DNAH11: variants seen among roughly 807,000 people sequenced by gnomAD.
DNAH11 encodes dynein axonemal heavy chain 11.
DNAH11 carries 442 observed loss-of-function variants against 526.0 expected under a neutral mutation model. That is an observed-to-expected ratio of 0.84 (90% CI 0.78 to 0.91). DNAH11 has a LOEUF of 0.91. Among genes scored for constraint, DNAH11 ranks in the 40% least tolerant of loss-of-function variants. The pLI is 0.00. For synonymous variants in DNAH11, 2,461 were observed against 1,935.9 expected, an observed-to-expected ratio of 1.27 and a Z score of -7.12; for missense variants, 6,989 against 5,448.7, an observed-to-expected ratio of 1.28 and a Z score of -8.90.
chr7:21,607,216 A>C (rs184022289), intron 20 of DNAH11, among the ~76,000 whole-genome samples: 1 of 152,246 alleles, frequency 6.6e-6, no homozygotes, highest in East Asian at 1.9e-4. Context: ...GTTCGTGGAC[A>C]AGAAGCATCT....
At chr7:21,690,972 A>C in intron 35 of DNAH11, 91 bp downstream of exon 35, 1 of 911,760 alleles carries the variant, frequency 1.1e-6, no homozygotes, top group Non-Finnish European at 1.7e-6. Flanking sequence ...CTTTTACTTG[A>C]AAATTCCTAA....
intron 1 of DNAH11, 82 bp downstream of exon 1, chr7:21,543,678 C>T: frequency 6.9e-7 from 1 of 1,442,502 alleles, no homozygotes; most frequent in Non-Finnish European, 9.3e-7. Context: ...CTTTGGATTC[C>T]CGCGGGGCGC....
intron 28 of DNAH11, among the ~76,000 whole-genome samples, chr7:21,654,952 G>A (rs1781949483): frequency 6.6e-6 from 1 of 152,176 alleles, no homozygotes; most frequent in Non-Finnish European, 1.5e-5. Context: ...ATGAATAAGT[G>A]TTGTTCATTC....
chr7:21,681,854 G>T (rs781228351), intron 31 of DNAH11, 177 bp downstream of exon 31: 3 of 805,566 alleles, frequency 3.7e-6, no homozygotes, highest in Non-Finnish European at 6.3e-6. Flanking sequence ...ATATTATTCT[G>T]ATGAGACCTA....
chr7:21,660,732 T>C (rs1303164133), intron 30 of DNAH11, among the ~76,000 whole-genome samples: 1 of 152,012 alleles, frequency 6.6e-6, no homozygotes, highest in Non-Finnish European at 1.5e-5. Context: ...GGTATAAACA[T>C]GTATAAATCT....
At chr7:21,771,879 G>A (rs1787451143) in intron 55 of DNAH11, among the ~76,000 whole-genome samples, 2 of 151,890 alleles carry the variant, frequency 1.3e-5, no homozygotes, top group African/African-American at 4.8e-5. Context: ...TAAAATAACT[G>A]GAGATAAATG....
At chr7:21,549,546 T>C (rs930308827) in intron 2 of DNAH11, among the ~76,000 whole-genome samples, 1 of 152,038 alleles carries the variant, frequency 6.6e-6, no homozygotes, top group Non-Finnish European at 1.5e-5. Flanking sequence ...CTAGGGGGGT[T>C]TTTCCCTGTG....
rs1259622674 is a variant in DNAH11 at position 21,591,280 on chromosome 7, G to T, written c.2370G>T (p.Arg790Ser). ...VEYPLIEDELRAIDEQLTAAT... is the reference protein window; with the variant it reads ...VEYPLIEDELSAIDEQLTAAT... ...ACCCTCTGATTGAAGATGAGCTGAG[G>T]GCTATTGACGAGCAGCTGACAGCAG... The change falls in exon 14 of 82, where the codon AGG becomes AGT. Residue 790 changes from arginine to serine, a missense_variant. Transcript: ENST00000409508. The T allele has an allele frequency of 1.2e-6, 2 of 1,613,162 alleles. No homozygotes were observed. The highest frequency in any genetic ancestry group is 1.7e-6 in the Non-Finnish European group (2 of 1,179,374).
At chr7:21,814,499 A>T (rs1411002789) in intron 63 of DNAH11, among the ~76,000 whole-genome samples, 2 of 143,514 alleles carry the variant, frequency 1.4e-5, no homozygotes, top group Non-Finnish European at 3.0e-5. Flanking sequence ...ATATCTCCCA[A>T]TGCTATCCCT....
chr7:21,594,528 G>A (rs1304014844), intron 14 of DNAH11, among the ~76,000 whole-genome samples: 1 of 152,114 alleles, frequency 6.6e-6, no homozygotes, highest in Non-Finnish European at 1.5e-5. Flanking sequence ...ATTGGAGCAG[G>A]GCAAGGGAAT....
intron 30 of DNAH11, among the ~76,000 whole-genome samples, chr7:21,663,362 A>G (rs12532239): frequency 0.31 from 47,096 of 151,932 alleles, 8,430 homozygotes; most frequent in Non-Finnish European, 0.39. Context: ...TGCTGGGTCA[A>G]ATGCTGGTTC....
intron 45 of DNAH11, among the ~76,000 whole-genome samples, chr7:21,730,011 A>G (rs1381107845): frequency 6.6e-6 from 1 of 152,208 alleles, no homozygotes; most frequent in African/African-American, 2.4e-5. Flanking sequence ...AGAAAATGGA[A>G]CCTTTGCACA....
chr7:21,750,115 C>A, intron 53 of DNAH11, 107 bp from the exon 54 acceptor site: 2 of 1,356,316 alleles, frequency 1.5e-6, no homozygotes, highest in East Asian at 2.5e-5. Context: ...AAACTCTTAC[C>A]ATTTATGCTG....
chr7:21,707,635 C>G lies in DNAH11; in HGVS notation c.6547-64C>G, dbSNP rs760766156. 7.1e-6 allele frequency: 11 copies of G among 1,555,870 alleles called. No individual in the cohort carries two copies. The African/African-American group carries it at 1.5e-4, about 21-fold the overall frequency. On this transcript the variant is annotated intron_variant, in intron 39 of 81. Transcript: ENST00000409508. ...TGAATACGGAAAACTCTTCAGAAAT[C>G]TTTTACTTTCCATTTGGCTTATGTT...
intron 66 of DNAH11, among the ~76,000 whole-genome samples, chr7:21,848,672 G>A (rs11765950): frequency 0.49 from 74,497 of 151,798 alleles, 21,089 homozygotes; most frequent in Non-Finnish European, 0.65. Flanking sequence ...ATTACAACAT[G>A]ATGTATGTAT....
chr7:21,787,821 G>C (rs917338890), intron 60 of DNAH11, among the ~76,000 whole-genome samples: 1 of 152,188 alleles, frequency 6.6e-6, no homozygotes, highest in Non-Finnish European at 1.5e-5. Context: ...TTAAAGAGCA[G>C]TAAGTAATTA....
At chr7:21,828,671 A>G (rs1410657484) in intron 65 of DNAH11, among the ~76,000 whole-genome samples, 1 of 151,624 alleles carries the variant, frequency 6.6e-6, no homozygotes, top group Non-Finnish European at 1.5e-5. Context: ...CTACATTATG[A>G]TGTTTAAATA....
At chr7:21,623,728 C>G (rs956331079) in intron 25 of DNAH11, among the ~76,000 whole-genome samples, 1 of 151,272 alleles carries the variant, frequency 6.6e-6, no homozygotes, top group African/African-American at 2.4e-5. Flanking sequence ...AAAAACCAAG[C>G]ACTGCATGTT....
intron 62 of DNAH11, 86 bp from the exon 63 acceptor site, chr7:21,807,797 C>A (rs1789334961): frequency 1.5e-6 from 2 of 1,352,138 alleles, no homozygotes; most frequent in Admixed American, 2.0e-5. Context: ...AGGACGTAAA[C>A]CTTGCCATAA....
Sources: gnomAD v4.1 joint callset for allele counts (sites outside exome capture counted in the v4.1 genomes callset) on GRCh38, gnomAD v4.1.1 for gene constraint, MANE v1.5 for transcripts, NCBI Gene and HGNC (gene_info 2026-07-23, HGNC 2026-07-21) for gene names.